Variants in MYT1L observed in about 807,000 individuals in gnomAD.
The protein encoded by MYT1L is myelin transcription factor 1-like protein.
A neutral mutation model predicts 126.7 loss-of-function variants in MYT1L; 12 were observed. That is an observed-to-expected ratio of 0.09 (90% CI 0.06 to 0.15). The LOEUF is 0.15. MYT1L is among the 10% of genes least tolerant of loss of function. MYT1L has a pLI of 1.00. For missense variants in MYT1L, 979 were observed against 1,585.2 expected (o/e 0.62, Z 6.49); for synonymous variants, 541 against 604.2 (o/e 0.90, Z 1.53).
At chr2:2,124,130 C>A (rs2081387032) in intron 3 of MYT1L, among the ~76,000 whole-genome samples, 1 of 152,168 alleles carries the variant, frequency 6.6e-6, no homozygotes, top group Non-Finnish European at 1.5e-5. Flanking sequence ...GGACTCCCAG[C>A]CACCCACTCG....
chr2:1,807,368 T>C lies in MYT1L; in HGVS notation c.3172+1708A>G, dbSNP rs1361271373. Reference sequence around the variant, plus strand: ...GACCCCCGTGGCTGTGGCCAGGGGCTTCATGCCTGCATGCTTGGGAGCTGC... The same window carrying C: ...GACCCCCGTGGCTGTGGCCAGGGGCCTCATGCCTGCATGCTTGGGAGCTGC... On this transcript the variant is annotated intron_variant, in intron 22 of 24. Coordinates refer to ENST00000647738, the MANE Select transcript of MYT1L (RefSeq NM_001303052.2). Among the ~76,000 whole-genome samples the C allele has an allele frequency of 3.9e-5, 6 of 152,080 alleles. No homozygotes were observed. In the East Asian group the frequency reaches 1.2e-3, roughly 29 times the overall value.
At chr2:2,131,721 C>T (rs960166017) in intron 3 of MYT1L, among the ~76,000 whole-genome samples, 2 of 152,004 alleles carry the variant, frequency 1.3e-5, no homozygotes, top group Non-Finnish European at 2.9e-5. Flanking sequence ...GATTGTGAGA[C>T]GTAACCGTGA....
intron 18 of MYT1L, among the ~76,000 whole-genome samples, chr2:1,877,677 C>G (rs913537799): frequency 6.6e-6 from 1 of 152,120 alleles, no homozygotes; most frequent in Non-Finnish European, 1.5e-5. Flanking sequence ...TGTGCTGGGA[C>G]AGGCAGGGGT....
intron 2 of MYT1L, among the ~76,000 whole-genome samples, chr2:2,282,500 C>T (rs781777777): frequency 1.3e-5 from 2 of 152,038 alleles, no homozygotes; most frequent in Non-Finnish European, 2.9e-5. Context: ...GATAGGACCA[C>T]ACATAAAATG....
intron 8 of MYT1L, among the ~76,000 whole-genome samples, chr2:1,956,438 C>CTATCTATT (rs2058416626): frequency 1.2e-5 from 1 of 80,452 alleles, no homozygotes; most frequent in African/African-American, 6.4e-5. Flanking sequence ...ATCTATCTAT[C>CTATCTATT]TACCTATCAT....
intron 2 of MYT1L, among the ~76,000 whole-genome samples, chr2:2,219,091 T>A (rs2093776963): frequency 6.6e-6 from 1 of 152,210 alleles, no homozygotes; most frequent in Non-Finnish European, 1.5e-5. Context: ...AAGAGGATGT[T>A]GTCTCGCCGT....
intron 3 of MYT1L, among the ~76,000 whole-genome samples, chr2:2,083,319 T>C (rs1221965603): frequency 6.6e-6 from 1 of 152,198 alleles, no homozygotes; most frequent in Non-Finnish European, 1.5e-5. Flanking sequence ...GCCAACCAGT[T>C]ACATTTCCTG....
rs368318922 is a variant in MYT1L at position 2,121,733 on chromosome 2, C to T, written c.-304+51139G>A. Among the ~76,000 whole-genome samples, 32 of 152,284 alleles carry T rather than the reference C, an allele frequency of 2.1e-4. No homozygotes were observed. The South Asian group carries it at 5.8e-3, about 28-fold the overall frequency. On this transcript the variant is annotated intron_variant, in intron 3 of 24. Coordinates refer to ENST00000647738, the MANE Select transcript of MYT1L (RefSeq NM_001303052.2). Reference sequence around the variant, plus strand: ...AACTGCTGACCTCGTGATCCGCCCACCTCGGCCTCCCAAAGTGCTAGGATT... The same window carrying T: ...AACTGCTGACCTCGTGATCCGCCCATCTCGGCCTCCCAAAGTGCTAGGATT...
intron 8 of MYT1L, among the ~76,000 whole-genome samples, chr2:1,956,284 CTATCATCT>C (rs796845899): frequency 3.6e-5 from 4 of 109,968 alleles, no homozygotes; most frequent in East Asian, 8.6e-4. Context: ...ATCTACCTAT[CTATCATCT>C]ATCTATCCTA....
At chr2:2,145,642 G>GACACAC (rs139332300) in intron 3 of MYT1L, among the ~76,000 whole-genome samples, 47 of 146,526 alleles carry the variant, frequency 3.2e-4, no homozygotes, top group African/African-American at 9.0e-4. Flanking sequence ...ACACACACAA[G>GACACAC]ACACACACAC....
chr2:2,060,527 T>G (rs1003525842), intron 3 of MYT1L, among the ~76,000 whole-genome samples: 1 of 152,218 alleles, frequency 6.6e-6, no homozygotes, highest in African/African-American at 2.4e-5. Context: ...AGACTGAAAT[T>G]TAATGATATA....
At chr2:1,861,897 A>AGCCTGTGTAATCGTAGATCTGCCTG (rs2044697129) in intron 18 of MYT1L, among the ~76,000 whole-genome samples, 1 of 4,366 alleles carries the variant, frequency 2.3e-4, no homozygotes, top group Admixed American at 2.2e-3. Context: ...GGATCCTCCT[A>AGCCTGTGTAATCGTAGATCTGCCTG]CAGCCTGTGT....
At chr2:2,038,387 A>G (rs140970970) in intron 4 of MYT1L, among the ~76,000 whole-genome samples, 33 of 152,248 alleles carry the variant, frequency 2.2e-4, no homozygotes, top group African/African-American at 7.7e-4. Context: ...GAATGACACC[A>G]TCAGATCTAA....
At chr2:2,073,149 G>A (rs1285028848) in intron 3 of MYT1L, among the ~76,000 whole-genome samples, 1 of 152,108 alleles carries the variant, frequency 6.6e-6, no homozygotes, top group Non-Finnish European at 1.5e-5. Context: ...CACCTTACAG[G>A]TTAGGATATT....
rs541007527 is a variant in MYT1L at position 1,820,616 on chromosome 2, T to C, written c.3081-11449A>G. On this transcript the variant is annotated intron_variant, in intron 21 of 24. Transcript: ENST00000647738. ...AGGCTGGAGTTCAGTGGCATGATCA[T>C]ACTCACTGCAGCCTCCAACTCTTGG... is the stretch of plus-strand genomic sequence containing the variant. 3.3e-5 allele frequency among the ~76,000 whole-genome samples: 5 copies of C among 152,278 alleles called. No individual in the cohort carries two copies. The East Asian group carries it at 7.7e-4, about 24-fold the overall frequency.
intron 3 of MYT1L, among the ~76,000 whole-genome samples, chr2:2,056,281 C>T (rs1322095885): frequency 6.6e-6 from 1 of 152,128 alleles, no homozygotes; most frequent in Admixed American, 6.5e-5. Context: ...GCTCTCCAGG[C>T]GTGAGGACAC....
chr2:2,022,523 T>C (rs1024748148), intron 4 of MYT1L, among the ~76,000 whole-genome samples: 1 of 152,168 alleles, frequency 6.6e-6, no homozygotes, highest in Non-Finnish European at 1.5e-5. Context: ...ACCTCTCCTG[T>C]TCCATCTATT....
chr2:2,113,533 C>G (rs908930840), intron 3 of MYT1L, among the ~76,000 whole-genome samples: 9 of 152,186 alleles, frequency 5.9e-5, no homozygotes, highest in Admixed American at 5.9e-4. Flanking sequence ...TAAGGTGGGG[C>G]CCGCAGGCTT....
At chr2:2,195,442 G>C (rs2092759594) in intron 2 of MYT1L, among the ~76,000 whole-genome samples, 1 of 152,186 alleles carries the variant, frequency 6.6e-6, no homozygotes, top group African/African-American at 2.4e-5. Context: ...CTGTGATTTA[G>C]ATGCCTAGAA....
Sources: allele counts gnomAD v4.1 joint callset (sites outside exome capture counted in the v4.1 genomes callset), GRCh38; gene constraint gnomAD v4.1.1; transcripts MANE v1.5; gene names NCBI Gene and HGNC (gene_info 2026-07-23, HGNC 2026-07-21).